Variants in CLIP2 observed in about 807,000 individuals in gnomAD.
The protein encoded by CLIP2 is CAP-Gly domain containing linker protein 2, also known as CAP-Gly domain-containing linker protein 2.
A neutral mutation model predicts 111.7 loss-of-function variants in CLIP2; 41 were observed. That is an observed-to-expected ratio of 0.37 (90% CI 0.29 to 0.48). The LOEUF is 0.48. Ranked by LOEUF, CLIP2 falls within the 20% of genes least tolerant of loss-of-function variation. The probability of loss-of-function intolerance (pLI) is 0.99; values close to 1 mark genes in which losing one functional copy is unlikely to be tolerated. For missense variants in CLIP2, 1,160 were observed against 1,422.1 expected, an observed-to-expected ratio of 0.82 and a Z score of 2.96; for synonymous variants, 660 against 644.2, an observed-to-expected ratio of 1.02 and a Z score of -0.37.
At chr7:74,400,237 G>A in intron 14 of CLIP2, 133 bp from the exon 15 acceptor site, 1 of 701,542 alleles carries the variant, frequency 1.4e-6, no homozygotes, top group South Asian at 2.3e-5. Flanking sequence ...AGGCCTGAGG[G>A]ACCTCTGGGT....
Position 74,401,490 on chromosome 7 carries a change from C to T in CLIP2, c.3067-15C>T, listed in dbSNP as rs372412929. 6 of 1,613,690 alleles carry T rather than the reference C, an allele frequency of 3.7e-6. No individual in the cohort carries two copies. In the African/African-American group the frequency reaches 8.0e-5, roughly 22 times the overall value. The stretch of plus-strand genomic sequence containing the variant: ...CCTGGTGCACCTGGCTCAGTGTCTC[C>T]CCTAACTCTTCCAGACCATCGGCAA... On this transcript the variant is annotated splice_polypyrimidine_tract_variant and intron_variant, in intron 15 of 16. Transcript: ENST00000223398.
chr7:74,348,607 G>A (rs1017204368), intron 3 of CLIP2, among the ~76,000 whole-genome samples: 9 of 151,846 alleles, frequency 5.9e-5, no homozygotes, highest in Non-Finnish European at 4.4e-5. Context: ...GGCTAACACG[G>A]TGAAACCCCG....
intron 8 of CLIP2, among the ~76,000 whole-genome samples, chr7:74,365,348 G>C (rs527674561): frequency 6.6e-6 from 1 of 152,270 alleles, no homozygotes; most frequent in Admixed American, 6.5e-5. Context: ...CAGGGGACTG[G>C]AGCCAGAAAC....
In CLIP2 at chr7:74,327,507, A is replaced by T. The variant is rs476789; in HGVS notation, c.121+9840A>T. Reference sequence around the variant, plus strand: ...CCCGAGGTGGGGCCCCCACCCCCACAGAGGATGGTGCCTTTCTCTTTCCTT... The same window carrying T: ...CCCGAGGTGGGGCCCCCACCCCCACTGAGGATGGTGCCTTTCTCTTTCCTT... On this transcript the variant is annotated intron_variant, in intron 2 of 16. Transcript: ENST00000223398. Among the ~76,000 whole-genome samples, 78 of 152,082 alleles carry T rather than the reference A, an allele frequency of 5.1e-4. No homozygotes were observed. In the Middle Eastern group the frequency reaches 0.014, roughly 27 times the overall value.
Position 74,376,690 on chromosome 7 carries a change from G to A in CLIP2, c.2289G>A (p.Met763Ile). The A allele has an allele frequency of 1.2e-6, 2 of 1,613,370 alleles. No homozygotes were observed. Among genetic ancestry groups the A allele is most frequent in the East Asian group, 2.2e-5 (1 of 44,866 alleles). ...KEQISLAEKK[M>I]LDYERLQRAE... ...AGATCTCGCTGGCCGAGAAGAAGAT[G>A]TTGGACTACGAGCGGCTGCAGCGGG... The change falls in exon 10 of 17, where the codon ATG becomes ATA. Residue 763 changes from methionine to isoleucine, a missense_variant. Transcript: ENST00000223398. This position sits in a 1 kb window ranked among gnomAD's most constrained non-coding sequence, Gnocchi z 7.1.
intron 7 of CLIP2, among the ~76,000 whole-genome samples, chr7:74,361,221 C>A (rs1471502616): frequency 2.1e-5 from 1 of 47,220 alleles, no homozygotes; most frequent in African/African-American, 5.3e-5. Context: ...CCCTCCCTCC[C>A]TTTTTCTTTC....
chr7:74,363,933 G>A (rs1277177445), intron 7 of CLIP2, among the ~76,000 whole-genome samples: 4 of 151,298 alleles, frequency 2.6e-5, no homozygotes, highest in Non-Finnish European at 4.4e-5. Context: ...AGGAAGGAAG[G>A]AAGGAAAGAA....
chr7:74,388,833 G>A (rs1289530261), intron 12 of CLIP2: 4 of 319,520 alleles, frequency 1.3e-5, no homozygotes, highest in African/African-American at 6.5e-5. Flanking sequence ...GTGCACTCCT[G>A]TAGTCCCAGC....
At chr7:74,357,927 T>C (rs2116609910) in intron 6 of CLIP2, among the ~76,000 whole-genome samples, 1 of 151,642 alleles carries the variant, frequency 6.6e-6, no homozygotes, top group Admixed American at 6.6e-5. Context: ...CAGCTAATTT[T>C]TGTACTTTTA....
chr7:74,321,212 C>A (rs1218774257), intron 2 of CLIP2, among the ~76,000 whole-genome samples: 5 of 152,106 alleles, frequency 3.3e-5, no homozygotes, highest in Non-Finnish European at 7.3e-5. Flanking sequence ...TCCCTTTCAC[C>A]CATCCATCAT....
chr7:74,386,463 C>T, intron 11 of CLIP2, 58 bp from the exon 12 acceptor site: 1 of 1,439,690 alleles, frequency 6.9e-7, no homozygotes, highest in Non-Finnish European at 9.7e-7. Flanking sequence ...CATGGCCCTA[C>T]CCACTGCTGC....
chr7:74,402,659 T>C (rs1360647869), intron 16 of CLIP2, among the ~76,000 whole-genome samples: 1 of 152,086 alleles, frequency 6.6e-6, no homozygotes, highest in Non-Finnish European at 1.5e-5. Context: ...GCCACTGCAC[T>C]CCAGCCTTGG....
At chr7:74,368,543 A>T (rs1790519861) in intron 8 of CLIP2, among the ~76,000 whole-genome samples, 1 of 151,052 alleles carries the variant, frequency 6.6e-6, no homozygotes, top group African/African-American at 2.4e-5. Context: ...TAAATAAATA[A>T]AAATAAATAA....
intron 1 of CLIP2, among the ~76,000 whole-genome samples, chr7:74,311,636 G>A (rs1209847812): frequency 6.6e-6 from 1 of 152,174 alleles, no homozygotes; most frequent in Non-Finnish European, 1.5e-5. Flanking sequence ...CTGGCTGGGC[G>A]TGGTGGCTCA....
chr7:74,392,099 C>T (rs144474514), intron 13 of CLIP2, among the ~76,000 whole-genome samples: 3,297 of 151,968 alleles, frequency 0.022, 121 homozygotes, highest in African/African-American at 0.076. Context: ...CGCCTGTAAT[C>T]CCAGCACTTT....
chr7:74,316,232 AT>A (rs1428675249), intron 1 of CLIP2, among the ~76,000 whole-genome samples: 4 of 151,544 alleles, frequency 2.6e-5, no homozygotes, highest in Non-Finnish European at 4.4e-5. Context: ...TTACGACTGC[AT>A]TTTTTTGTTT....
intron 11 of CLIP2, 57 bp from the exon 12 acceptor site, chr7:74,386,464 C>T: frequency 6.9e-7 from 1 of 1,445,538 alleles, no homozygotes; most frequent in Non-Finnish European, 9.6e-7. Flanking sequence ...ATGGCCCTAC[C>T]CACTGCTGCT....
chr7:74,301,667 C>T (rs1457649092), intron 1 of CLIP2, among the ~76,000 whole-genome samples: 2 of 151,500 alleles, frequency 1.3e-5, no homozygotes, highest in Non-Finnish European at 2.9e-5. Flanking sequence ...GTTGGGATTA[C>T]AGGCGTGAGC....
chr7:74,348,663 G>A (rs1398923891), intron 3 of CLIP2, among the ~76,000 whole-genome samples: 2 of 151,716 alleles, frequency 1.3e-5, no homozygotes, highest in Non-Finnish European at 2.9e-5. Context: ...GGTGGCGGGC[G>A]CCTGTAGTCC....
Sources: allele counts gnomAD v4.1 joint callset (sites outside exome capture counted in the v4.1 genomes callset), GRCh38; gene constraint gnomAD v4.1.1; non-coding constraint Gnocchi (gnomAD v3.1); transcripts MANE v1.5; gene names NCBI Gene and HGNC (gene_info 2026-07-23, HGNC 2026-07-21).